The following EIF4G3 variants were observed in gnomAD, a reference collection of about 807,000 sequenced individuals.
EIF4G3 encodes eukaryotic translation initiation factor 4 gamma 3, also known as eIF-4-gamma 3.
In EIF4G3, 34 loss-of-function variants were observed where a neutral mutation model predicts 186.4. That is an observed-to-expected ratio of 0.18 (90% CI 0.14 to 0.24). The LOEUF is 0.24. Ranked by LOEUF, EIF4G3 falls within the 10% of genes least tolerant of loss-of-function variation. The probability of loss-of-function intolerance (pLI) is 1.00; values close to 1 mark genes in which losing one functional copy is unlikely to be tolerated. For synonymous variants in EIF4G3, 673 were observed against 679.5 expected, an observed-to-expected ratio of 0.99 and a Z score of 0.15; for missense variants, 1,536 against 1,948.5, an observed-to-expected ratio of 0.79 and a Z score of 3.99.
chr1:21,068,294 A>T (rs1014097329), intron 3 of EIF4G3, among the ~76,000 whole-genome samples: 1 of 143,326 alleles, frequency 7.0e-6, no homozygotes, highest in Non-Finnish European at 1.5e-5. Context: ...GCTTGAACCT[A>T]GGAGGTGGAG....
rs888848758 is a variant in EIF4G3 at position 21,010,141 on chromosome 1, T to G, written c.-66-7333A>C. On this transcript the variant is annotated intron_variant, in intron 4 of 36. Coordinates refer to ENST00000602326, the MANE Select transcript of EIF4G3 (RefSeq NM_001391906.1). ...TAAATGAATTTTATTCAATTTAAATTTTGTGGTAGAAAACATGTAACAAGG... is the reference window on the plus strand; with the variant it reads ...TAAATGAATTTTATTCAATTTAAATGTTGTGGTAGAAAACATGTAACAAGG... Among the ~76,000 whole-genome samples, 3 of 151,740 alleles carry G rather than the reference T, an allele frequency of 2.0e-5. No homozygotes were observed. The East Asian group carries it at 5.8e-4, about 29-fold the overall frequency.
intron 12 of EIF4G3, among the ~76,000 whole-genome samples, chr1:20,951,805 A>C (rs2096234563): frequency 6.6e-6 from 1 of 152,214 alleles, no homozygotes; most frequent in African/African-American, 2.4e-5. Context: ...CATTCAAAGA[A>C]AAAGTAAGAT....
chr1:21,153,434 C>T (rs916632169), intron 2 of EIF4G3, among the ~76,000 whole-genome samples: 3 of 152,212 alleles, frequency 2.0e-5, no homozygotes, highest in South Asian at 2.1e-4. Flanking sequence ...TTCTAACCCT[C>T]GCATTCTAAG....
intron 30 of EIF4G3, 21 bp from the exon 31 acceptor site, chr1:20,829,293 A>T: frequency 6.2e-7 from 1 of 1,608,000 alleles, no homozygotes; most frequent in East Asian, 2.2e-5. Context: ...ACAGGGGGTA[A>T]AAATCACATG....
At chr1:20,981,777 A>G (rs2078331055) in intron 8 of EIF4G3, among the ~76,000 whole-genome samples, 1 of 151,692 alleles carries the variant, frequency 6.6e-6, no homozygotes, top group Non-Finnish European at 1.5e-5. Context: ...TACTGTATAT[A>G]TACATACATA....
chr1:21,061,725 GT>G (rs1206010836), intron 3 of EIF4G3, among the ~76,000 whole-genome samples: 2 of 149,160 alleles, frequency 1.3e-5, no homozygotes, highest in Non-Finnish European at 3.0e-5. Flanking sequence ...AATCAATATG[GT>G]TTATTTCTCT....
intron 4 of EIF4G3, among the ~76,000 whole-genome samples, chr1:21,009,225 C>T (rs1157288836): frequency 3.3e-5 from 5 of 152,156 alleles, no homozygotes; most frequent in East Asian, 3.9e-4. Context: ...CTGTCACCTA[C>T]GCTAAAGTGC....
intron 2 of EIF4G3, among the ~76,000 whole-genome samples, chr1:21,151,236 C>CTTTTTTT (rs71014161): frequency 0.045 from 3,595 of 80,416 alleles, 719 homozygotes; most frequent in East Asian, 0.11. Context: ...GTATTTCTTT[C>CTTTTTTT]TTTTTTTTTT....
At chr1:20,852,577 T>C (rs966614709) in intron 27 of EIF4G3, among the ~76,000 whole-genome samples, 4 of 152,224 alleles carry the variant, frequency 2.6e-5, no homozygotes, top group Non-Finnish European at 5.9e-5. Context: ...CGTCTTCTTT[T>C]AGACAATTCT....
At chr1:21,166,169 G>T (rs1232348766) in intron 2 of EIF4G3, among the ~76,000 whole-genome samples, 1 of 148,828 alleles carries the variant, frequency 6.7e-6, no homozygotes, top group East Asian at 1.9e-4. Context: ...GCTCATACCT[G>T]TAATCCCGGC....
intron 3 of EIF4G3, among the ~76,000 whole-genome samples, chr1:21,061,811 G>A (rs960175932): frequency 4.0e-5 from 6 of 149,364 alleles, no homozygotes; most frequent in African/African-American, 1.2e-4. Context: ...ACAGTGGCGC[G>A]ATCTCGGCTC....
intron 3 of EIF4G3, among the ~76,000 whole-genome samples, chr1:21,071,271 G>C (rs1253603968): frequency 6.6e-6 from 1 of 152,126 alleles, no homozygotes; most frequent in East Asian, 1.9e-4. Context: ...AATTAGCCGG[G>C]CATGACGACA....
intron 14 of EIF4G3, among the ~76,000 whole-genome samples, chr1:20,914,218 C>CT (rs2093615850): frequency 1.3e-5 from 2 of 151,918 alleles, no homozygotes; most frequent in Admixed American, 1.3e-4. Context: ...ATGCCAATGT[C>CT]TTAATGCTTT....
At chr1:20,816,161 G>T (rs1157504563) in intron 34 of EIF4G3, among the ~76,000 whole-genome samples, 1 of 119,798 alleles carries the variant, frequency 8.3e-6, no homozygotes, top group African/African-American at 3.2e-5. Context: ...GCCTCTGCCC[G>T]GCCGCCCCTA....
intron 36 of EIF4G3, among the ~76,000 whole-genome samples, chr1:20,809,653 T>C (rs760212505): frequency 6.6e-6 from 1 of 152,222 alleles, no homozygotes; most frequent in African/African-American, 2.4e-5. Context: ...AGGGTCTTTG[T>C]TGGGTGTCTA....
At chr1:20,995,948 T>A (rs1014119073) in intron 7 of EIF4G3, among the ~76,000 whole-genome samples, 4 of 152,220 alleles carry the variant, frequency 2.6e-5, no homozygotes, top group African/African-American at 9.6e-5. Context: ...ATAAATAGTT[T>A]CTTTTCACTC....
chr1:21,095,010 T>C (rs770730547), intron 2 of EIF4G3, among the ~76,000 whole-genome samples: 1 of 152,030 alleles, frequency 6.6e-6, no homozygotes, highest in Non-Finnish European at 1.5e-5. Flanking sequence ...GAAATAAAAC[T>C]AACCAATTTT....
intron 2 of EIF4G3, among the ~76,000 whole-genome samples, chr1:21,131,065 C>T (rs2097143019): frequency 6.6e-6 from 1 of 151,668 alleles, no homozygotes; most frequent in African/African-American, 2.4e-5. Flanking sequence ...CATGGCAAAA[C>T]CCCATTTCTA....
intron 36 of EIF4G3, among the ~76,000 whole-genome samples, chr1:20,808,117 C>CA (rs1204414285): frequency 6.6e-6 from 1 of 151,842 alleles, no homozygotes; most frequent in African/African-American, 2.4e-5. Context: ...CTCCTGACCT[C>CA]AGGTGATCCG....
Sources: allele counts gnomAD v4.1 joint callset (sites outside exome capture counted in the v4.1 genomes callset), GRCh38; gene constraint gnomAD v4.1.1; transcripts MANE v1.5; gene names NCBI Gene and HGNC (gene_info 2026-07-23, HGNC 2026-07-21).